CCND3: variants seen among roughly 807,000 people sequenced by gnomAD.
The protein encoded by CCND3 is G1/S-specific cyclin-D3.
In CCND3, 9 loss-of-function variants were observed where a neutral mutation model predicts 28.7. The ratio of observed to expected loss-of-function variants is 0.31; its 90% CI spans 0.19 to 0.55. The LOEUF (loss-of-function observed/expected upper bound fraction) is 0.55. CCND3 is among the 20% of genes least tolerant of loss of function. The pLI is 0.93. For synonymous variants in CCND3, 164 were observed against 163.9 expected (o/e 1.00, Z 0.00); for missense variants, 315 against 385.8 (o/e 0.82, Z 1.54).
intron 1 of CCND3, among the ~76,000 whole-genome samples, chr6:41,956,260 C>T (rs989407685): frequency 6.6e-6 from 1 of 151,656 alleles, no homozygotes; most frequent in Non-Finnish European, 1.5e-5. Context: ...CCACTGCACC[C>T]CAGCCTGGGC....
intron 1 of CCND3, among the ~76,000 whole-genome samples, chr6:41,967,037 T>TTAAACTAAAGTTTTAAGTGCCGGTTTA (rs1761905655): frequency 6.6e-6 from 1 of 152,172 alleles, no homozygotes; most frequent in Non-Finnish European, 1.5e-5. Flanking sequence ...CGGCTAACCA[T>TTAAACTAAAGTTTTAAGTGCCGGTTTA]AGGTCGAAGG....
chr6:41,946,293 C>T (rs1267076667), upstream of CCND3, among the ~76,000 whole-genome samples: 12 of 151,640 alleles, frequency 7.9e-5, no homozygotes, highest in African/African-American at 1.9e-4. Context: ...GTTGTGATTG[C>T]GGGACTTAAA....
At chr6:42,017,698 T>C (rs9381118) in intron 1 of CCND3, among the ~76,000 whole-genome samples, 109,935 of 152,098 alleles carry the variant, frequency 0.72, 39,987 homozygotes, top group Middle Eastern at 0.78. Flanking sequence ...GGAAATAGTG[T>C]GATGACCTGA....
At position 41,936,224 on chromosome 6, in the gene CCND3, C is replaced by T; in HGVS notation, c.712-117G>A. The T allele has an allele frequency of 8.7e-7, 1 of 1,144,260 alleles. No homozygotes were observed. The highest frequency in any genetic ancestry group is 1.2e-6 in the Non-Finnish European group (1 of 817,798). 70.9% of individuals were successfully genotyped at this position (1,144,260 alleles called of 1,614,324 possible). On this transcript the variant is annotated intron_variant, in intron 4 of 4. Transcript: ENST00000372991. The surrounding 1 kb of genome is among the most constrained non-coding windows in gnomAD (Gnocchi z 4.4). ...AAGTCTGGGGAGGTTAGGCCACAGC[C>T]CGGCCCCAGGAATCGCTCTTTAGTT... is the stretch of plus-strand genomic sequence containing the variant.
intron 1 of CCND3, among the ~76,000 whole-genome samples, chr6:41,964,741 G>C (rs1761837965): frequency 6.6e-6 from 1 of 152,136 alleles, no homozygotes; most frequent in South Asian, 2.1e-4. Flanking sequence ...AGGGAGCAGA[G>C]GGCTGTTACA....
Position 41,940,412 on chromosome 6 carries a change from C to T in CCND3, c.372G>A (p.Leu124=), listed in dbSNP as rs766754097. The T allele has an allele frequency of 7.4e-6, 12 of 1,613,762 alleles. No individual in the cohort carries two copies. In the South Asian group the frequency reaches 1.1e-4, roughly 15 times the overall value. The change falls in exon 2 of 5, where the codon CTG becomes CTA. Residue 124 remains leucine, a synonymous_variant. Coordinates refer to ENST00000372991, the MANE Select transcript of CCND3 (RefSeq NM_001760.5). ...AGACAGCGTGGTCGGTGTAGATGCA[C>T]AGTTTTTCGATGGTCAGGGGCGTGG... ...RETTPLTIEK[L]CIYTDHAVSP...
chr6:41,987,060 TATGCCAGAAC>T lies in CCND3; in HGVS notation c.-45-46485_-45-46476del, dbSNP rs531699395. Among the ~76,000 whole-genome samples, 171 of 152,220 alleles carry T rather than the reference TATGCCAGAAC, an allele frequency of 1.1e-3. 2 individuals carry two copies. The highest frequency in any genetic ancestry group is 3.8e-3 in the African/African-American group (156 of 41,572). Reference sequence around the variant, plus strand: ...TACTATTCTGTGTAAATTCCTAATGTATGCCAGAACATGTCAATATCCTGTAAACCAGCTC... The same window carrying T: ...TACTATTCTGTGTAAATTCCTAATGTATGTCAATATCCTGTAAACCAGCTC... On this transcript the variant is annotated intron_variant, in intron 1 of 4. Transcript: ENST00000372988.
chr6:41,944,323 T>C (rs1266494972), upstream of CCND3, among the ~76,000 whole-genome samples: 1 of 152,072 alleles, frequency 6.6e-6, no homozygotes, highest in Non-Finnish European at 1.5e-5. Flanking sequence ...TTTGTTATCA[T>C]ACATTTTGCA....
intron 1 of CCND3, among the ~76,000 whole-genome samples, chr6:41,985,924 C>T (rs62417399): frequency 0.99 from 118,889 of 120,252 alleles, 58,799 homozygotes; most frequent in East Asian, 1. Flanking sequence ...CCACCGCGCC[C>T]GGCCCAGTTT....
chr6:41,979,641 C>CTA (rs1561970662), intron 1 of CCND3, among the ~76,000 whole-genome samples: 1 of 89,590 alleles, frequency 1.1e-5, no homozygotes, highest in African/African-American at 4.0e-5. Context: ...CTCTCTCTCT[C>CTA]TCTATATATA....
chr6:41,968,616 A>G (rs1761952289), intron 1 of CCND3, among the ~76,000 whole-genome samples: 1 of 152,288 alleles, frequency 6.6e-6, no homozygotes, highest in South Asian at 2.1e-4. Flanking sequence ...CATAGGAAAA[A>G]AAGTATTATA....
At chr6:42,034,137 A>G (rs1266981701) in intron 1 of CCND3, among the ~76,000 whole-genome samples, 1 of 151,108 alleles carries the variant, frequency 6.6e-6, no homozygotes, top group Non-Finnish European at 1.5e-5. Flanking sequence ...ACTACAGAGC[A>G]AGACCCTGTC....
chr6:42,010,552 G>A (rs1338594965), intron 1 of CCND3, among the ~76,000 whole-genome samples: 1 of 152,160 alleles, frequency 6.6e-6, no homozygotes, highest in Non-Finnish European at 1.5e-5. Context: ...ATGAAGCACG[G>A]CCCCACCCCA....
At chr6:41,943,666 T>A (rs1439418482), upstream of CCND3, among the ~76,000 whole-genome samples, 1 of 152,354 alleles carries the variant, frequency 6.6e-6, no homozygotes, top group Non-Finnish European at 1.5e-5. Context: ...TTATGAAACA[T>A]TCTAAGGCTT....
intron 1 of CCND3, among the ~76,000 whole-genome samples, chr6:42,021,637 A>C (rs1175658528): frequency 6.6e-6 from 1 of 152,186 alleles, no homozygotes. Flanking sequence ...GTGGATTTAA[A>C]CTGGGCTTTG....
At chr6:42,002,762 G>A (rs2127422734) in intron 1 of CCND3, among the ~76,000 whole-genome samples, 1 of 152,092 alleles carries the variant, frequency 6.6e-6, no homozygotes, top group South Asian at 2.1e-4. Flanking sequence ...GCTGAGGCAG[G>A]ACAATGGCGT....
chr6:42,028,677 C>T (rs1200674065), intron 1 of CCND3, among the ~76,000 whole-genome samples: 1 of 152,226 alleles, frequency 6.6e-6, no homozygotes, highest in East Asian at 1.9e-4. Flanking sequence ...GTTCCGTTCC[C>T]AGCTCTAGCA....
chr6:41,983,785 A>G (rs1427075748), intron 1 of CCND3, among the ~76,000 whole-genome samples: 1 of 152,084 alleles, frequency 6.6e-6, no homozygotes, highest in African/African-American at 2.4e-5. Flanking sequence ...GGTTAAGGCT[A>G]TATGAGCTGA....
intron 1 of CCND3, among the ~76,000 whole-genome samples, chr6:42,026,219 A>G (rs1390432027): frequency 2.0e-5 from 3 of 151,990 alleles, no homozygotes; most frequent in Non-Finnish European, 2.9e-5. Flanking sequence ...CGACCTCTCT[A>G]AGGGATGGAG....
Sources: gnomAD v4.1 joint callset for allele counts (sites outside exome capture counted in the v4.1 genomes callset) on GRCh38, gnomAD v4.1.1 for gene constraint, Gnocchi (gnomAD v3.1) non-coding constraint, MANE v1.5 for transcripts, NCBI Gene and HGNC (gene_info 2026-07-23, HGNC 2026-07-21) for gene names.